CAMTA1: variants seen among roughly 807,000 people sequenced by gnomAD.
The protein encoded by CAMTA1 is calmodulin binding transcription activator 1.
CAMTA1 carries 27 observed loss-of-function variants against 170.9 expected under a neutral mutation model. The ratio of observed to expected loss-of-function variants is 0.16; its 90% CI spans 0.12 to 0.22. The LOEUF (loss-of-function observed/expected upper bound fraction) is 0.22. Ranked by LOEUF, CAMTA1 falls within the 10% of genes least tolerant of loss-of-function variation. The probability of loss-of-function intolerance (pLI) is 1.00; values close to 1 mark genes in which losing one functional copy is unlikely to be tolerated. For missense variants in CAMTA1, 1,619 were observed against 2,217.2 expected (o/e 0.73, Z 5.42); for synonymous variants, 833 against 891.5 (o/e 0.93, Z 1.17).
At chr1:7,702,457 A>C (rs751594888) in intron 11 of CAMTA1, among the ~76,000 whole-genome samples, 2 of 152,190 alleles carry the variant, frequency 1.3e-5, no homozygotes, top group Admixed American at 1.3e-4. Context: ...AATCACCACG[A>C]GTTCCCCGGC....
chr1:6,923,078 TGATC>T (rs1220432447), intron 3 of CAMTA1, among the ~76,000 whole-genome samples: 1 of 152,192 alleles, frequency 6.6e-6, no homozygotes, highest in African/African-American at 2.4e-5. Context: ...TTTAGATAAA[TGATC>T]AGTAAAAGAA....
chr1:7,626,567 C>T (rs960767315), intron 6 of CAMTA1, among the ~76,000 whole-genome samples: 1 of 152,214 alleles, frequency 6.6e-6, no homozygotes, highest in Non-Finnish European at 1.5e-5. Flanking sequence ...CAGCAACCAG[C>T]TCTGCTTTTC....
intron 5 of CAMTA1, among the ~76,000 whole-genome samples, chr1:7,409,055 G>T (rs1264126340): frequency 6.6e-6 from 1 of 152,192 alleles, no homozygotes; most frequent in Non-Finnish European, 1.5e-5. Flanking sequence ...CCTGCCTGTG[G>T]CCCTCTCTCC....
rs967839371 is a variant in CAMTA1, at chr1:6,886,553, C to T, written c.234+61343C>T. On this transcript the variant is annotated intron_variant, in intron 3 of 22. Transcript: ENST00000303635. ...GACTTGTGAAAGTCACTGGCCTCTG[C>T]GCATTGGGCACAGGCCTGAAGGCGA... Among the ~76,000 whole-genome samples, 6 of 152,230 alleles carry T rather than the reference C, an allele frequency of 3.9e-5. No individual in the cohort carries two copies. The East Asian group carries it at 9.6e-4, about 24-fold the overall frequency.
At chr1:7,677,493 T>A in intron 10 of CAMTA1, 106 bp from the exon 11 acceptor site, 1 of 1,272,216 alleles carries the variant, frequency 7.9e-7, no homozygotes. Flanking sequence ...AGCTGGACAT[T>A]AACCAATGAA....
intron 4 of CAMTA1, among the ~76,000 whole-genome samples, chr1:7,166,544 A>G (rs1648477197): frequency 6.6e-6 from 1 of 152,046 alleles, no homozygotes; most frequent in Non-Finnish European, 1.5e-5. Context: ...CTTCATTTCT[A>G]CTTTCCTTGC....
chr1:7,652,894 C>A (rs1187988276), intron 7 of CAMTA1, among the ~76,000 whole-genome samples: 2 of 152,200 alleles, frequency 1.3e-5, no homozygotes, highest in Non-Finnish European at 2.9e-5. Context: ...CCCTACGCAC[C>A]TGCTGTGTGA....
intron 11 of CAMTA1, among the ~76,000 whole-genome samples, chr1:7,690,119 C>T (rs1434264785): frequency 1.3e-5 from 2 of 152,068 alleles, no homozygotes; most frequent in African/African-American, 4.8e-5. Context: ...GTCAAGATTG[C>T]GCCACTGCAC....
intron 3 of CAMTA1, among the ~76,000 whole-genome samples, chr1:6,862,888 A>G (rs1665263017): frequency 6.6e-6 from 1 of 152,248 alleles, no homozygotes; most frequent in South Asian, 2.1e-4. Context: ...AAAAAGCTTA[A>G]TCAAATAATC....
chr1:7,240,316 T>C (rs1225420201), intron 4 of CAMTA1, among the ~76,000 whole-genome samples: 6 of 152,184 alleles, frequency 3.9e-5, no homozygotes, highest in Non-Finnish European at 5.9e-5. Context: ...TAATTCTCCT[T>C]TTCTTTTTTT....
intron 16 of CAMTA1, among the ~76,000 whole-genome samples, chr1:7,743,805 T>G (rs887327315): frequency 1.2e-4 from 18 of 151,984 alleles, no homozygotes; most frequent in Admixed American, 9.2e-4. Context: ...CAGACCAGCT[T>G]TGAGGATTCT....
chr1:7,672,939 G>A (rs1050875070), intron 10 of CAMTA1, among the ~76,000 whole-genome samples: 38 of 152,254 alleles, frequency 2.5e-4, no homozygotes, highest in African/African-American at 8.4e-4. Context: ...TGCCCTGCTC[G>A]GCCTGGAGCA....
chr1:7,492,290 G>C (rs2093715216), intron 6 of CAMTA1, among the ~76,000 whole-genome samples: 2 of 152,198 alleles, frequency 1.3e-5, no homozygotes, highest in South Asian at 2.1e-4. Context: ...GGCACTACGG[G>C]GGCCCAGGAC....
intron 10 of CAMTA1, among the ~76,000 whole-genome samples, chr1:7,675,397 G>C (rs946880403): frequency 2.0e-5 from 3 of 152,178 alleles, no homozygotes; most frequent in African/African-American, 7.2e-5. Context: ...CTTTAAGCAG[G>C]GAGTGGCTTG....
chr1:7,049,537 A>G (rs1433469659), intron 3 of CAMTA1, among the ~76,000 whole-genome samples: 1 of 151,630 alleles, frequency 6.6e-6, no homozygotes, highest in Non-Finnish European at 1.5e-5. Flanking sequence ...ACTAACTGCA[A>G]CCTCTGCCTC....
chr1:7,051,839 A>G (rs1320448987), intron 3 of CAMTA1, among the ~76,000 whole-genome samples: 1 of 151,722 alleles, frequency 6.6e-6, no homozygotes, highest in Non-Finnish European at 1.5e-5. Flanking sequence ...TTGCCCCTGG[A>G]CTCCAGTTCC....
intron 5 of CAMTA1, among the ~76,000 whole-genome samples, chr1:7,291,016 G>A (rs902056120): frequency 2.6e-5 from 4 of 152,148 alleles, no homozygotes; most frequent in African/African-American, 9.7e-5. Flanking sequence ...AGTGTCTTTT[G>A]TGTGGGATGA....
chr1:6,998,263 G>A (rs1174359742), intron 3 of CAMTA1, among the ~76,000 whole-genome samples: 1 of 151,712 alleles, frequency 6.6e-6, no homozygotes, highest in East Asian at 2.0e-4. Context: ...TGTATTTTTA[G>A]TAGAGACAGA....
At position 7,463,246 on chromosome 1, in the gene CAMTA1, C is replaced by T. The variant is rs368081388; in HGVS notation, c.439-4584C>T. Among the ~76,000 whole-genome samples, 17 of 152,204 alleles carry T rather than the reference C, an allele frequency of 1.1e-4. No individual in the cohort carries two copies. The South Asian group carries it at 3.5e-3, about 32-fold the overall frequency. The stretch of plus-strand genomic sequence containing the variant: ...AAGTTGCTGAATCCTCTGCGGCTTC[C>T]CCCAGGCAGGGCATGGGAGGTGGAA... On this transcript the variant is annotated intron_variant, in intron 5 of 22. Coordinates refer to ENST00000303635, the MANE Select transcript of CAMTA1 (RefSeq NM_015215.4). The surrounding 1 kb of genome is among the most constrained non-coding windows in gnomAD (Gnocchi z 4.7).
Sources: allele counts gnomAD v4.1 joint callset (sites outside exome capture counted in the v4.1 genomes callset), GRCh38; gene constraint gnomAD v4.1.1; non-coding constraint Gnocchi (gnomAD v3.1); transcripts MANE v1.5; gene names NCBI Gene and HGNC (gene_info 2026-07-23, HGNC 2026-07-21).